Variants in ZNF532 observed in about 807,000 individuals in gnomAD.
ZNF532 encodes zinc finger protein 532.
In ZNF532, 22 loss-of-function variants were observed where a neutral mutation model predicts 89.3. That is an observed-to-expected ratio of 0.25 (90% confidence interval 0.18 to 0.35). ZNF532 has a LOEUF of 0.35. Ranked by LOEUF, ZNF532 falls within the 10% of genes least tolerant of loss-of-function variation. The pLI is 1.00. For synonymous variants in ZNF532, 606 were observed against 649.6 expected (o/e 0.93, Z 1.02); for missense variants, 1,132 against 1,643.4 (o/e 0.69, Z 5.38).
chr18:58,929,163 C>A (rs1419410599), intron 3 of ZNF532, among the ~76,000 whole-genome samples: 1 of 152,186 alleles, frequency 6.6e-6, no homozygotes, highest in African/African-American at 2.4e-5. Flanking sequence ...CTTTCTGCTT[C>A]TCTAAGATGT....
intron 2 of ZNF532, among the ~76,000 whole-genome samples, chr18:58,913,664 T>C (rs1374687194): frequency 6.6e-6 from 1 of 152,048 alleles, no homozygotes; most frequent in African/African-American, 2.4e-5. Context: ...AAAGATACAA[T>C]GAAGGGTCTC....
At chr18:58,961,446 A>G (rs1343053399) in intron 7 of ZNF532, among the ~76,000 whole-genome samples, 1 of 152,084 alleles carries the variant, frequency 6.6e-6, no homozygotes, top group African/African-American at 2.4e-5. Flanking sequence ...CATTGTCTCA[A>G]CGTAGGTGTT....
At chr18:58,910,852 G>A (rs952864189) in intron 2 of ZNF532, among the ~76,000 whole-genome samples, 2 of 151,274 alleles carry the variant, frequency 1.3e-5, no homozygotes, top group African/African-American at 4.9e-5. Context: ...TATTCCATGA[G>A]CCCTAAAATT....
intron 2 of ZNF532, among the ~76,000 whole-genome samples, chr18:58,883,752 A>C (rs1192587760): frequency 6.6e-6 from 1 of 152,100 alleles, no homozygotes; most frequent in Non-Finnish European, 1.5e-5. Context: ...CTTGACCTCT[A>C]CCCACTATAT....
rs770915813 is a variant in ZNF532, at chr18:58,883,779, C to T, written c.-18+18200C>T. Among the ~76,000 whole-genome samples, 3 of 152,156 alleles carry T rather than the reference C, an allele frequency of 2.0e-5. No individual in the cohort carries two copies. In the East Asian group the frequency reaches 5.8e-4, roughly 29 times the overall value. ...CCACTATATGCCAATAGCATGCCTC[C>T]TCCCCCAAGTTAGAACAACCAAAAT... On this transcript the variant is annotated intron_variant, in intron 2 of 9. Coordinates refer to ENST00000591808, the MANE Select transcript of ZNF532 (RefSeq NM_001375912.1).
At chr18:58,931,023 T>C (rs1042033041) in intron 3 of ZNF532, among the ~76,000 whole-genome samples, 1 of 152,184 alleles carries the variant, frequency 6.6e-6, no homozygotes, top group African/African-American at 2.4e-5. Context: ...GTATTACCTA[T>C]TGAAAAGTAA....
rs776719899 is a variant in ZNF532, at chr18:58,953,652, G to T, written c.3003G>T (p.Glu1001Asp). The change falls in exon 7 of 10, where the codon GAG (glutamate) becomes GAT (aspartate). Residue 1001 changes from glutamate (E) to aspartate (D), a missense_variant. By Grantham distance (45) the Glu-to-Asp change is conservative (BLOSUM62 2). Coordinates refer to ENST00000591808, the MANE Select transcript of ZNF532 (RefSeq NM_001375912.1). The stretch of plus-strand genomic sequence containing the variant: ...ACACCAAATCCATGAATGGGAAAGA[G>T]AAATTGGAAAAGAAATCTCCATCTC... ...KEDTKSMNGK[E>D]KLEKKSPSPV... The T allele has an allele frequency of 1.7e-5, 27 of 1,613,846 alleles. No homozygotes were observed. The South Asian group carries it at 1.9e-4, about 11-fold the overall frequency.
At chr18:58,910,064 C>G (rs2060186483) in intron 2 of ZNF532, among the ~76,000 whole-genome samples, 1 of 147,490 alleles carries the variant, frequency 6.8e-6, no homozygotes, top group African/African-American at 2.5e-5. Flanking sequence ...TAGCAAGACC[C>G]TGTCTCTACA....
At chr18:58,875,963 C>G (rs1203234582) in intron 2 of ZNF532, among the ~76,000 whole-genome samples, 1 of 136,820 alleles carries the variant, frequency 7.3e-6, no homozygotes, top group African/African-American at 2.8e-5. Flanking sequence ...GACAGAGTCT[C>G]GCTCTGTCGC....
chr18:58,901,588 G>A (rs1005487026), intron 2 of ZNF532, among the ~76,000 whole-genome samples: 2 of 152,202 alleles, frequency 1.3e-5, no homozygotes, highest in Non-Finnish European at 2.9e-5. Flanking sequence ...GAGCACTGGT[G>A]TGGGTAATTT....
intron 7 of ZNF532, among the ~76,000 whole-genome samples, chr18:58,966,339 T>C (rs1363041249): frequency 6.6e-6 from 1 of 152,212 alleles, no homozygotes; most frequent in Admixed American, 6.5e-5. Flanking sequence ...ATCTTTCATT[T>C]AAAATGTTTA....
At position 58,918,907 on chromosome 18, in the gene ZNF532, C is replaced by T; in HGVS notation, c.620C>T (p.Ala207Val). The change falls in exon 3 of 10, where the codon GCC becomes GTC. Residue 207 changes from alanine (A) to valine (V), a missense_variant. By Grantham distance (64) the Ala-to-Val change is moderately conservative (BLOSUM62 0). Transcript: ENST00000591808. ...KNKAVKRETEASSINLSVYEP... is the reference protein window; with the variant it reads ...KNKAVKRETEVSSINLSVYEP... ...AAAGCTGTTAAGAGAGAAACAGAAGCCAGTTCTATAAACCTGAGTGTTTAT... is the reference window on the plus strand; with the variant it reads ...AAAGCTGTTAAGAGAGAAACAGAAGTCAGTTCTATAAACCTGAGTGTTTAT... The T allele has an allele frequency of 6.2e-7, 1 of 1,614,020 alleles. No individual in the cohort carries two copies. The highest frequency in any genetic ancestry group is 8.5e-7 in the Non-Finnish European group (1 of 1,180,022).
intron 2 of ZNF532, among the ~76,000 whole-genome samples, chr18:58,888,807 AT>A (rs1332327508): frequency 1.8e-5 from 1 of 55,870 alleles, no homozygotes; most frequent in Non-Finnish European, 2.8e-5. Context: ...ATTTATATAT[AT>A]AAAAAATTAT....
intron 2 of ZNF532, among the ~76,000 whole-genome samples, chr18:58,912,806 A>C (rs2060360582): frequency 6.6e-6 from 1 of 151,746 alleles, no homozygotes; most frequent in Non-Finnish European, 1.5e-5. Flanking sequence ...CGTGTATGCT[A>C]TTTTTTTGAA....
chr18:58,942,100 G>C (rs1378701182), intron 5 of ZNF532, among the ~76,000 whole-genome samples: 3 of 146,938 alleles, frequency 2.0e-5, no homozygotes, highest in African/African-American at 7.6e-5. Context: ...TCAGCTCACT[G>C]CAAGCTCCAC....
intron 3 of ZNF532, chr18:58,932,437 T>C (rs978120958): frequency 3.3e-5 from 5 of 152,256 alleles, no homozygotes; most frequent in Admixed American, 2.6e-4. Context: ...CGTTCTAAAG[T>C]AGTGCAATCA....
chr18:58,909,337 T>C (rs1215068569), intron 2 of ZNF532, among the ~76,000 whole-genome samples: 1 of 152,126 alleles, frequency 6.6e-6, no homozygotes, highest in Non-Finnish European at 1.5e-5. Context: ...TGGGAGGGAA[T>C]ATGAGGGCTT....
At chr18:58,887,657 G>C (rs779858251) in intron 2 of ZNF532, among the ~76,000 whole-genome samples, 5 of 152,092 alleles carry the variant, frequency 3.3e-5, no homozygotes, top group Non-Finnish European at 5.9e-5. Flanking sequence ...TTCCACCTGG[G>C]CTTAACACAA....
chr18:58,920,227 A>G lies in ZNF532; in HGVS notation c.1940A>G (p.Asn647Ser). The change falls in exon 3 of 10, where the codon AAC (asparagine) becomes AGC (serine). Residue 647 changes from asparagine (N) to serine (S), a missense_variant. By Grantham distance (46) the Asn-to-Ser change is conservative (BLOSUM62 1). Transcript: ENST00000591808. ...AGCGTGCGCATCGAAGTAACGTGCA[A>G]CCATTGTACAAAGAACCTCGTTTTT... ...RRSVRIEVTC[N>S]HCTKNLVFYN... 6.2e-7 allele frequency: 1 copy of G among 1,613,926 alleles called. No homozygotes were observed. The highest frequency in any genetic ancestry group is 8.5e-7 in the Non-Finnish European group (1 of 1,179,788).
Sources: allele counts gnomAD v4.1 joint callset (sites outside exome capture counted in the v4.1 genomes callset), GRCh38; gene constraint gnomAD v4.1.1; transcripts MANE v1.5; gene names NCBI Gene and HGNC (gene_info 2026-07-23, HGNC 2026-07-21).